The following CSF2RA variants were observed in gnomAD, a reference collection of about 807,000 sequenced individuals.
CSF2RA encodes the protein granulocyte-macrophage colony-stimulating factor receptor subunit alpha.
CSF2RA carries 42 observed loss-of-function variants against 51.6 expected under a neutral mutation model. That is an observed-to-expected ratio of 0.81 (90% confidence interval 0.64 to 1.05). The LOEUF is 1.05. Among genes scored for constraint, CSF2RA ranks in the 50% least tolerant of loss-of-function variants. The pLI is 0.00. For missense variants in CSF2RA, 530 were observed against 501.1 expected (o/e 1.06, Z -0.55); for synonymous variants, 222 against 193.0 (o/e 1.15, Z -1.24).
chrX:1,305,808 C>A, intron 12 of CSF2RA: 1 of 1,545,622 alleles, frequency 6.5e-7, no homozygotes, highest in Non-Finnish European at 8.8e-7. Context: ...GGGCCAGGCA[C>A]GGTGGCTCAT....
chrX:1,322,887 T>C, the CSF2RA span, among the ~76,000 whole-genome samples: 6 of 151,464 alleles, frequency 4.0e-5, no homozygotes, highest in African/African-American at 1.5e-4. Context: ...CCCAGCACTT[T>C]GGGAGGCCAA....
In CSF2RA at chrX:1,301,626, T is replaced by C. The variant is rs28410972; in HGVS notation, c.946+1000T>C. On this transcript the variant is annotated intron_variant, in intron 10 of 12. Transcript: ENST00000381529. ...TTTTTTTTTTTTTTTGAGACGGCGTTTCGCTCTTGTCGCAGGCTGGAGTCC... is the reference window on the plus strand; with the variant it reads ...TTTTTTTTTTTTTTTGAGACGGCGTCTCGCTCTTGTCGCAGGCTGGAGTCC... Among the ~76,000 whole-genome samples, 1,165 of 145,972 alleles carry C rather than the reference T, an allele frequency of 8.0e-3. 12 individuals carry two copies. Among genetic ancestry groups the C allele is most frequent in the African/African-American group, 0.028 (1,119 of 39,280 alleles).
At chrX:1,319,144 C>A in the CSF2RA span, among the ~76,000 whole-genome samples, 1 of 147,600 alleles carries the variant, frequency 6.8e-6, no homozygotes, top group Admixed American at 6.8e-5. Context: ...TACAGGTGCC[C>A]GCCACCACGC....
the CSF2RA span, among the ~76,000 whole-genome samples, chrX:1,321,318 A>T: frequency 2.0e-5 from 3 of 151,920 alleles, no homozygotes; most frequent in Non-Finnish European, 4.4e-5. Context: ...AAATACAAAA[A>T]ATTAGCCGGG....
At chrX:1,269,192 C>T (rs1416857856) in intron 1 of CSF2RA, among the ~76,000 whole-genome samples, 7 of 152,082 alleles carry the variant, frequency 4.6e-5, no homozygotes, top group Non-Finnish European at 7.4e-5. Flanking sequence ...TGGGAATTCT[C>T]GTTGGTTTAC....
At chrX:1,273,321 T>G (rs2088692731) in intron 1 of CSF2RA, among the ~76,000 whole-genome samples, 1 of 152,020 alleles carries the variant, frequency 6.6e-6, no homozygotes. Flanking sequence ...GTTGTATTTT[T>G]TTTTTCTTTT....
At chrX:1,271,306 T>C (rs1465903320) in intron 1 of CSF2RA, among the ~76,000 whole-genome samples, 1 of 65,602 alleles carries the variant, frequency 1.5e-5, no homozygotes, top group Admixed American at 2.0e-4. Flanking sequence ...TACAGGCACC[T>C]GCCACCACGC....
At chrX:1,319,996 C>T in the CSF2RA span, among the ~76,000 whole-genome samples, 401 of 150,588 alleles carry the variant, frequency 2.7e-3, 13 homozygotes, top group Non-Finnish European at 3.5e-3. Context: ...CCTGGGTTCA[C>T]GCCATTCTCT....
intron 4 of CSF2RA, among the ~76,000 whole-genome samples, chrX:1,286,635 C>G (rs768010774): frequency 2.0e-5 from 3 of 151,934 alleles, no homozygotes; most frequent in Middle Eastern, 3.4e-3. Flanking sequence ...ACAAACAACA[C>G]AAGTGTGGTA....
At position 1,271,413 on chromosome X, in the gene CSF2RA, C is replaced by G. The variant is rs1422356586; in HGVS notation, c.-91+2534C>G. Reference sequence around the variant, plus strand: ...GGAGTGCAGTGGTGCAATCTCCGCTCACTGCAACCTCCACCTCCCGGGTTC... The same window carrying G: ...GGAGTGCAGTGGTGCAATCTCCGCTGACTGCAACCTCCACCTCCCGGGTTC... On this transcript the variant is annotated intron_variant, in intron 1 of 12. Transcript: ENST00000381529. Among the ~76,000 whole-genome samples the G allele has an allele frequency of 3.4e-5, 5 of 149,092 alleles. 1 individual carries two copies. Among genetic ancestry groups the G allele is most frequent in the African/African-American group, 1.2e-4 (5 of 40,486 alleles).
Position 1,300,508 on chromosome X carries a change from T to C in CSF2RA, c.828T>C (p.Asp276=), listed in dbSNP as rs1413626082. 3.1e-6 allele frequency: 5 copies of C among 1,613,830 alleles called. No homozygotes were observed. In the African/African-American group the frequency reaches 5.3e-5, roughly 17 times the overall value. Residue 276 remains aspartate, a synonymous_variant, in exon 10 of 13, where the codon GAT becomes GAC. Coordinates refer to ENST00000381529, the MANE Select transcript of CSF2RA (RefSeq NM_172245.4). ...CTCCAAAGATTAATGTTTCTGGTGATTTGGAAAATAGATACAACTTTCCAA... is the reference window on the plus strand; with the variant it reads ...CTCCAAAGATTAATGTTTCTGGTGACTTGGAAAATAGATACAACTTTCCAA... ...TENLLINVSG[D]LENRYNFPSS...
chrX:1,316,636 C>G, the CSF2RA span, among the ~76,000 whole-genome samples: 2 of 152,252 alleles, frequency 1.3e-5, no homozygotes, highest in African/African-American at 4.8e-5. Context: ...TCACGTTCAG[C>G]CCCTGCCCAT....
intron 9 of CSF2RA, among the ~76,000 whole-genome samples, chrX:1,296,385 T>C (rs112170734): frequency 9.9e-5 from 6 of 60,454 alleles, no homozygotes; most frequent in African/African-American, 4.7e-4. Flanking sequence ...CCGTACAGTC[T>C]CCTACCCATG....
At chrX:1,319,214 T>C in the CSF2RA span, among the ~76,000 whole-genome samples, 4 of 149,796 alleles carry the variant, frequency 2.7e-5, no homozygotes, top group East Asian at 8.1e-4. Flanking sequence ...CAGGCTGGTG[T>C]TGAACTCCTG....
At chrX:1,283,179 C>G (rs1455825714) in intron 3 of CSF2RA, among the ~76,000 whole-genome samples, 39 of 125,884 alleles carry the variant, frequency 3.1e-4, no homozygotes, top group African/African-American at 1.1e-3. Context: ...TCCTTCCTTC[C>G]TTCCTTCCTT....
intron 1 of CSF2RA, among the ~76,000 whole-genome samples, chrX:1,273,883 T>C (rs1448740431): frequency 1.3e-5 from 2 of 151,500 alleles, no homozygotes; most frequent in East Asian, 1.9e-4. Context: ...CAGGCGTGAG[T>C]CACCGCGCCC....
intron 1 of CSF2RA, among the ~76,000 whole-genome samples, chrX:1,272,493 ATTT>A: frequency 6.7e-6 from 1 of 149,964 alleles, no homozygotes; most frequent in Admixed American, 6.7e-5. Context: ...ATTTTATTTT[ATTT>A]TATTTTTTTG....
chrX:1,319,072 T>C, the CSF2RA span, among the ~76,000 whole-genome samples: 4 of 137,070 alleles, frequency 2.9e-5, no homozygotes, highest in African/African-American at 1.0e-4. Context: ...CTCGGCTCAC[T>C]ACAACCTCCG....
At chrX:1,298,579 CATG>C (rs2092142363) in intron 9 of CSF2RA, among the ~76,000 whole-genome samples, 2 of 80,656 alleles carry the variant, frequency 2.5e-5, no homozygotes, top group Admixed American at 1.6e-4. Context: ...GTCCCCTACC[CATG>C]ACCTCTGGTG....
Sources: gnomAD v4.1 joint callset for allele counts (sites outside exome capture counted in the v4.1 genomes callset) on GRCh38, gnomAD v4.1.1 for gene constraint, MANE v1.5 for transcripts, NCBI Gene and HGNC (gene_info 2026-07-23, HGNC 2026-07-21) for gene names.